EIF5B: variants seen among roughly 807,000 people sequenced by gnomAD.
EIF5B encodes the protein eukaryotic translation initiation factor 5B.
A neutral mutation model predicts 147.5 loss-of-function variants in EIF5B; 47 were observed. The observed-to-expected ratio is 0.32, with a 90% CI of 0.25 to 0.41. EIF5B has a LOEUF of 0.41. Ranked by LOEUF, EIF5B falls within the 10% of genes least tolerant of loss-of-function variation. EIF5B has a pLI of 1.00. For missense variants in EIF5B, 1,064 were observed against 1,413.2 expected (o/e 0.75, Z 3.96); for synonymous variants, 455 against 456.2 (o/e 1.00, Z 0.03).
chr2:99,368,402 C>T (rs1269572419), intron 6 of EIF5B, 91 bp from the exon 7 acceptor site: 3 of 904,074 alleles, frequency 3.3e-6, no homozygotes, highest in Non-Finnish European at 5.3e-6. Context: ...GTATGTGTCT[C>T]TGTGGTGAAT....
intron 1 of EIF5B, among the ~76,000 whole-genome samples, chr2:99,347,401 T>A (rs1160950193): frequency 6.6e-6 from 1 of 152,228 alleles, no homozygotes; most frequent in African/African-American, 2.4e-5. Context: ...CGTTGTTGAA[T>A]CTAAATCAGG....
chr2:99,387,892 C>G (rs952410875), intron 14 of EIF5B, among the ~76,000 whole-genome samples: 2 of 152,068 alleles, frequency 1.3e-5, no homozygotes, highest in African/African-American at 4.8e-5. Context: ...AGGCTGGTCT[C>G]GAACACCTGG....
At position 99,355,794 on chromosome 2, in the gene EIF5B, G is replaced by A. The variant is rs552409035; in HGVS notation, c.36-4442G>A. Among the ~76,000 whole-genome samples, 52 of 151,904 alleles carry A rather than the reference G, an allele frequency of 3.4e-4. No individual in the cohort carries two copies. The South Asian group carries it at 0.011, about 32-fold the overall frequency. On this transcript the variant is annotated intron_variant, in intron 1 of 23. Coordinates refer to ENST00000289371, the MANE Select transcript of EIF5B (RefSeq NM_015904.4). ...CGTCCAGCTAATTTTTGTATTTTTA[G>A]TAGAGACAGGGTTTCACCATGTTGG...
chr2:99,374,431 C>T (rs1257879831), intron 9 of EIF5B, among the ~76,000 whole-genome samples: 4 of 151,800 alleles, frequency 2.6e-5, no homozygotes, highest in Non-Finnish European at 5.9e-5. Context: ...TGTTGCGCTT[C>T]GTTTCCTGCA....
At chr2:99,383,394 C>G (rs1005981972) in intron 14 of EIF5B, among the ~76,000 whole-genome samples, 72 of 152,054 alleles carry the variant, frequency 4.7e-4, no homozygotes, top group African/African-American at 1.7e-3. Flanking sequence ...TCTCCTTGGG[C>G]CTGTTTCCTG....
chr2:99,394,211 G>C lies in EIF5B; in HGVS notation c.2881-56G>C, dbSNP rs1674997725. The stretch of plus-strand genomic sequence containing the variant: ...AAGAGAGAAACACAATTTAATTCTA[G>C]ACTGCTGAGGATAGAGGTGTGTTGA... On this transcript the variant is annotated intron_variant, in intron 18 of 23. Coordinates refer to ENST00000289371, the MANE Select transcript of EIF5B (RefSeq NM_015904.4). The C allele has an allele frequency of 1.9e-6, 3 of 1,547,892 alleles. No homozygotes were observed. The East Asian group carries it at 6.7e-5, about 35-fold the overall frequency.
chr2:99,369,281 TA>T, intron 7 of EIF5B, 110 bp from the exon 8 acceptor site: 1 of 741,134 alleles, frequency 1.3e-6, no homozygotes, highest in Non-Finnish European at 2.0e-6. Context: ...TTCAAAAAAA[TA>T]AAAAATAAAT....
At position 99,337,809 on chromosome 2, in the gene EIF5B, C is replaced by T. The variant is rs567783938; in HGVS notation, c.35+220C>T. On this transcript the variant is annotated intron_variant, in intron 1 of 23. Transcript: ENST00000289371. ...GTCCTCCCAGTCGAGCCTCGCTCCCCCGGCACCCCTTCCCCGGCCTGAGGA... is the reference window on the plus strand; with the variant it reads ...GTCCTCCCAGTCGAGCCTCGCTCCCTCGGCACCCCTTCCCCGGCCTGAGGA... Among the ~76,000 whole-genome samples the T allele has an allele frequency of 2.7e-3, 328 of 123,670 alleles. 1 individual carries two copies. Among genetic ancestry groups the T allele is most frequent in the African/African-American group, 8.4e-3 (305 of 36,184 alleles). The allele number at this position is 123,670 out of a possible 152,430, so 81.1% of individuals were successfully genotyped here.
chr2:99,376,329 A>G lies in EIF5B; in HGVS notation c.1553-18A>G. On this transcript the variant is annotated intron_variant, in intron 9 of 23. Transcript: ENST00000289371. Reference sequence around the variant, plus strand: ...CATATTAATGTTTATTTATTTAAAAATATATTTGCTTTCGTAGTAGAAGGA... The same window carrying G: ...CATATTAATGTTTATTTATTTAAAAGTATATTTGCTTTCGTAGTAGAAGGA... 1 of 1,324,126 alleles carries G rather than the reference A, an allele frequency of 7.6e-7. No individual in the cohort carries two copies. The highest frequency in any genetic ancestry group is 1.0e-6 in the Non-Finnish European group (1 of 975,062). 82.0% of individuals were successfully genotyped at this position (1,324,126 alleles called of 1,614,324 possible).
chr2:99,398,750 T>A lies in EIF5B; in HGVS notation c.3396T>A (p.Phe1132Leu). The stretch of plus-strand genomic sequence containing the variant: ...TTTAATTTGTTCTTATTTTATAGTT[T>A]GTTGACATCGGAATAGTAACAAGTA... ...GTPMCVPSKN[F>L]VDIGIVTSIE... The change falls in exon 23 of 24, where the codon TTT (phenylalanine) becomes TTA (leucine). Residue 1132 changes from phenylalanine (F) to leucine (L), a missense_variant and splice_region_variant. This residue lies in a region of EIF5B where 380 missense variants were observed against 715.6 expected (regional missense o/e 0.53). Transcript: ENST00000289371. 1 of 1,608,296 alleles carries A rather than the reference T, an allele frequency of 6.2e-7. No individual in the cohort carries two copies. Among genetic ancestry groups the A allele is most frequent in the East Asian group, 2.2e-5 (1 of 44,842 alleles).
At chr2:99,354,650 G>A (rs1471820417) in intron 1 of EIF5B, among the ~76,000 whole-genome samples, 1 of 151,892 alleles carries the variant, frequency 6.6e-6, no homozygotes, top group African/African-American at 2.4e-5. Context: ...ATTTTTTTAA[G>A]TACATCATAT....
At chr2:99,339,233 G>A (rs888602287) in intron 1 of EIF5B, among the ~76,000 whole-genome samples, 16 of 151,280 alleles carry the variant, frequency 1.1e-4, no homozygotes, top group South Asian at 2.1e-4. Flanking sequence ...GGCTGGTCTC[G>A]AACTCCCGAC....
rs899845224 is a variant in EIF5B at position 99,399,932 on chromosome 2, T to G, written c.*518T>G. The stretch of plus-strand genomic sequence containing the variant: ...ATAGAAAATTAGGCATTCTGATATT[T>G]CTTTAGCTGCTTTGTGTGAAACCAT... On this transcript the variant is annotated 3_prime_UTR_variant, in exon 24 of 24. Coordinates refer to ENST00000289371, the MANE Select transcript of EIF5B (RefSeq NM_015904.4). 6.5e-6 allele frequency: 1 copy of G among 153,384 alleles called. No homozygotes were observed. The highest frequency in any genetic ancestry group is 2.4e-5 in the African/African-American group (1 of 41,478). The allele number at this position is 153,384 out of a possible 1,614,324, so 9.5% of individuals were successfully genotyped here. A position where few individuals can be genotyped will look rare whatever the true frequency, so the allele number is the denominator to read the frequency against.
At chr2:99,345,043 G>C (rs2309577) in intron 1 of EIF5B, among the ~76,000 whole-genome samples, 126,672 of 152,202 alleles carry the variant, frequency 0.83, 53,283 homozygotes, top group Middle Eastern at 0.98. Context: ...CAATGGAATC[G>C]TTGTCTGTGT....
chr2:99,390,509 A>G (rs774412093), intron 16 of EIF5B, 35 bp from the exon 17 acceptor site: 3 of 1,598,736 alleles, frequency 1.9e-6, no homozygotes, highest in Non-Finnish European at 2.6e-6. Flanking sequence ...GGTGCATTGT[A>G]TGTATGTCTT....
At chr2:99,358,455 C>T (rs1043646877) in intron 1 of EIF5B, among the ~76,000 whole-genome samples, 2 of 152,158 alleles carry the variant, frequency 1.3e-5, no homozygotes, top group African/African-American at 2.4e-5. Flanking sequence ...ATCTCCGACT[C>T]GTGTGATCCT....
At chr2:99,391,791 G>A (rs796807289) in intron 17 of EIF5B, among the ~76,000 whole-genome samples, 3 of 146,300 alleles carry the variant, frequency 2.1e-5, no homozygotes, top group African/African-American at 7.6e-5. Flanking sequence ...GTGCAGTGGT[G>A]CAGTCACAGT....
rs1326136591 is a variant in EIF5B, at chr2:99,399,608, A to G, written c.*194A>G. On this transcript the variant is annotated 3_prime_UTR_variant, in exon 24 of 24. Transcript: ENST00000289371. ...CACTGGTTTGACAGTGGTCAGTTAC[A>G]TGTCCCCACAGTTCCAATGTGCCTG... The G allele has an allele frequency of 5.6e-6, 3 of 534,126 alleles. No individual in the cohort carries two copies. The highest frequency in any genetic ancestry group is 1.0e-5 in the Non-Finnish European group (3 of 295,498). 33.1% of individuals were successfully genotyped at this position (534,126 alleles called of 1,614,324 possible). A position where few individuals can be genotyped will look rare whatever the true frequency, so the allele number is the denominator to read the frequency against.
Position 99,376,651 on chromosome 2 carries a change from G to A in EIF5B, c.1842+15G>A, listed in dbSNP as rs577067574. On this transcript the variant is annotated intron_variant, in intron 10 of 23. Coordinates refer to ENST00000289371, the MANE Select transcript of EIF5B (RefSeq NM_015904.4). Reference sequence around the variant, plus strand: ...GGAGGATTGAGGTATTTATTTTACCGTTTCTCTCTACTTTTCTTCCCACTC... The same window carrying A: ...GGAGGATTGAGGTATTTATTTTACCATTTCTCTCTACTTTTCTTCCCACTC... 1.4e-5 allele frequency: 22 copies of A among 1,579,864 alleles called. 1 individual carries two copies. The South Asian group carries it at 1.7e-4, about 12-fold the overall frequency.
Sources: allele counts gnomAD v4.1 joint callset (sites outside exome capture counted in the v4.1 genomes callset), GRCh38; gene constraint gnomAD v4.1.1; regional missense constraint gnomAD v4.1.1; transcripts MANE v1.5; gene names NCBI Gene and HGNC (gene_info 2026-07-23, HGNC 2026-07-21).